PDE4B: variants seen among roughly 807,000 people sequenced by gnomAD.
PDE4B encodes phosphodiesterase 4B, also known as 3',5'-cyclic-AMP phosphodiesterase 4B.
Under a neutral mutation model 82.2 loss-of-function variants are expected in PDE4B, and 20 were observed. The ratio of observed to expected loss-of-function variants is 0.24; its 90% CI spans 0.17 to 0.35. PDE4B has a LOEUF of 0.35. Among genes scored for constraint, PDE4B ranks in the 10% least tolerant of loss-of-function variants. The probability of loss-of-function intolerance (pLI) is 1.00; values close to 1 mark genes in which losing one functional copy is unlikely to be tolerated. For synonymous variants in PDE4B, 320 were observed against 318.9 expected (o/e 1.00, Z -0.04); for missense variants, 655 against 907.2 (o/e 0.72, Z 3.57).
intron 16 of PDE4B, among the ~76,000 whole-genome samples, chr1:66,370,527 T>C (rs1469626106): frequency 6.6e-6 from 1 of 152,150 alleles, no homozygotes; most frequent in East Asian, 1.9e-4. Flanking sequence ...TAGGGACAGG[T>C]CTTCCTGTTG....
intron 1 of PDE4B, among the ~76,000 whole-genome samples, chr1:65,793,515 G>A (rs1209376432): frequency 6.6e-6 from 1 of 152,184 alleles, no homozygotes; most frequent in African/African-American, 2.4e-5. Flanking sequence ...GGGAGGAGAG[G>A]ATGGAGAGAG....
chr1:66,361,142 A>C (rs1246899835), intron 9 of PDE4B, among the ~76,000 whole-genome samples: 1 of 152,190 alleles, frequency 6.6e-6, no homozygotes, highest in African/African-American at 2.4e-5. Flanking sequence ...TTTAAGTAAA[A>C]ATAAGATGAG....
chr1:65,886,357 T>G (rs575034558), intron 1 of PDE4B, among the ~76,000 whole-genome samples: 7 of 152,312 alleles, frequency 4.6e-5, no homozygotes, highest in South Asian at 2.1e-4. Flanking sequence ...TCACCTTGAA[T>G]ATGTATTATT....
chr1:66,111,626 T>A (rs1021615981), intron 3 of PDE4B, among the ~76,000 whole-genome samples: 3 of 152,122 alleles, frequency 2.0e-5, no homozygotes, highest in Non-Finnish European at 2.9e-5. Flanking sequence ...AATAGTATAT[T>A]TCATTGTATG....
intron 7 of PDE4B, among the ~76,000 whole-genome samples, chr1:66,275,366 C>T (rs1228766202): frequency 6.6e-6 from 1 of 152,140 alleles, no homozygotes; most frequent in Non-Finnish European, 1.5e-5. Flanking sequence ...TGCAAAGCCT[C>T]CCTTTGCAGA....
At chr1:66,194,396 A>G (rs747471959) in intron 3 of PDE4B, among the ~76,000 whole-genome samples, 4 of 152,138 alleles carry the variant, frequency 2.6e-5, no homozygotes, top group Non-Finnish European at 5.9e-5. Flanking sequence ...AACAAAACAT[A>G]TAATGAAAAC....
intron 2 of PDE4B, 64 bp from the exon 3 acceptor site, chr1:65,918,533 T>C: frequency 1.1e-6 from 1 of 935,600 alleles, no homozygotes; most frequent in Non-Finnish European, 1.7e-6. Context: ...CTTCTTTCAC[T>C]CCATTTAACA....
At chr1:66,166,054 A>C (rs905413788) in intron 3 of PDE4B, among the ~76,000 whole-genome samples, 3 of 152,230 alleles carry the variant, frequency 2.0e-5, no homozygotes, top group Non-Finnish European at 4.4e-5. Context: ...AGATTAATAG[A>C]ATAGAATTGA....
At chr1:66,224,971 G>A (rs1651317153) in intron 3 of PDE4B, among the ~76,000 whole-genome samples, 3 of 152,212 alleles carry the variant, frequency 2.0e-5, no homozygotes, top group Middle Eastern at 3.4e-3. Flanking sequence ...ATCTGTCACC[G>A]AATCTACCAA....
At chr1:65,837,992 C>T (rs1293386993) in intron 1 of PDE4B, among the ~76,000 whole-genome samples, 2 of 152,130 alleles carry the variant, frequency 1.3e-5, no homozygotes, top group Admixed American at 6.6e-5. Flanking sequence ...TAGCACAACT[C>T]CTGTAGTGTA....
chr1:65,901,244 A>G (rs1458027039), intron 1 of PDE4B, among the ~76,000 whole-genome samples: 2 of 152,034 alleles, frequency 1.3e-5, no homozygotes, highest in Non-Finnish European at 2.9e-5. Context: ...TGTTTATGTG[A>G]TGAATCACAT....
chr1:66,116,421 C>G (rs1297247967), intron 3 of PDE4B, among the ~76,000 whole-genome samples: 2 of 152,280 alleles, frequency 1.3e-5, no homozygotes, highest in African/African-American at 2.4e-5. Context: ...CTTCCTCCCC[C>G]CAACTCCCAC....
At chr1:65,987,661 G>A (rs1291901114) in intron 3 of PDE4B, among the ~76,000 whole-genome samples, 1 of 151,970 alleles carries the variant, frequency 6.6e-6, no homozygotes, top group Non-Finnish European at 1.5e-5. Flanking sequence ...TGCCTGGGCT[G>A]GAGTGCAATG....
chr1:65,805,380 C>T (rs923214399), intron 1 of PDE4B, among the ~76,000 whole-genome samples: 48 of 152,280 alleles, frequency 3.2e-4, no homozygotes, highest in Admixed American at 5.2e-4. Context: ...AAGAGGCACA[C>T]ATCCTTTATA....
rs562375461 is a variant in PDE4B, at chr1:66,335,489, C to T, written c.747+2869C>T. Among the ~76,000 whole-genome samples, 11 of 152,252 alleles carry T rather than the reference C, an allele frequency of 7.2e-5. No individual in the cohort carries two copies. In the South Asian group the frequency reaches 1.2e-3, roughly 17 times the overall value. The stretch of plus-strand genomic sequence containing the variant: ...TTTTAGTTTGTTTGTTTTCCTTAAT[C>T]CTTTAAATTTTGAAGAAAACTGAGT... On this transcript the variant is annotated intron_variant, in intron 8 of 16. Transcript: ENST00000341517.
chr1:66,288,597 C>A (rs1467607800), intron 7 of PDE4B, among the ~76,000 whole-genome samples: 1 of 152,058 alleles, frequency 6.6e-6, no homozygotes, highest in Admixed American at 6.6e-5. Context: ...CCTAAACTAG[C>A]GCCTGGCTTA....
intron 3 of PDE4B, among the ~76,000 whole-genome samples, chr1:65,981,448 C>T (rs1650681881): frequency 1.3e-5 from 2 of 151,768 alleles, no homozygotes; most frequent in East Asian, 1.9e-4. Context: ...TATGGAGAAA[C>T]AATTCTAGTT....
intron 3 of PDE4B, among the ~76,000 whole-genome samples, chr1:66,107,684 T>C (rs982937646): frequency 6.6e-5 from 10 of 152,004 alleles, no homozygotes; most frequent in South Asian, 2.1e-4. Context: ...TGTTTTTCCC[T>C]TTAGGAGCTT....
At chr1:66,205,509 A>T (rs888815279) in intron 3 of PDE4B, among the ~76,000 whole-genome samples, 1 of 152,170 alleles carries the variant, frequency 6.6e-6, no homozygotes, top group Non-Finnish European at 1.5e-5. Context: ...TCCATAGTTT[A>T]CTTTTAACAA....
Sources: allele counts gnomAD v4.1 joint callset (sites outside exome capture counted in the v4.1 genomes callset), GRCh38; gene constraint gnomAD v4.1.1; transcripts MANE v1.5; gene names NCBI Gene and HGNC (gene_info 2026-07-23, HGNC 2026-07-21).